ZCCHC7: variants seen among roughly 807,000 people sequenced by gnomAD.
The protein encoded by ZCCHC7 is zinc finger CCHC domain-containing protein 7.
ZCCHC7 carries 35 observed loss-of-function variants against 52.0 expected under a neutral mutation model. That is an observed-to-expected ratio of 0.67 (90% CI 0.51 to 0.89). The LOEUF is 0.89. Among genes scored for constraint, ZCCHC7 ranks in the 40% least tolerant of loss-of-function variants. The probability of loss-of-function intolerance (pLI) is 0.00; values close to 1 mark genes in which losing one functional copy is unlikely to be tolerated. For missense variants in ZCCHC7, 574 were observed against 649.1 expected (o/e 0.88, Z 1.26); for synonymous variants, 217 against 221.5 (o/e 0.98, Z 0.18).
At chr9:37,277,153 A>C (rs1030477211) in intron 2 of ZCCHC7, among the ~76,000 whole-genome samples, 5 of 152,234 alleles carry the variant, frequency 3.3e-5, no homozygotes, top group Admixed American at 3.3e-4. Flanking sequence ...AGATTTTGTA[A>C]AAAAGATTTT....
chr9:37,295,588 A>G (rs902294694), intron 2 of ZCCHC7, among the ~76,000 whole-genome samples: 1 of 152,142 alleles, frequency 6.6e-6, no homozygotes, highest in Non-Finnish European at 1.5e-5. Flanking sequence ...TGGATACCCT[A>G]TTTATAGTAT....
At chr9:37,211,500 A>C (rs1453006478) in intron 2 of ZCCHC7, among the ~76,000 whole-genome samples, 2 of 150,888 alleles carry the variant, frequency 1.3e-5, no homozygotes, top group Non-Finnish European at 2.9e-5. Context: ...TTTGATTCAC[A>C]CTAGAGATTT....
intron 1 of ZCCHC7, among the ~76,000 whole-genome samples, chr9:37,123,331 C>G (rs1842407707): frequency 6.6e-6 from 1 of 152,044 alleles, no homozygotes; most frequent in South Asian, 2.1e-4. Flanking sequence ...TTAACGAAAA[C>G]AACCTTAGGC....
At chr9:37,136,946 T>G (rs1307913081) in intron 2 of ZCCHC7, among the ~76,000 whole-genome samples, 2 of 152,174 alleles carry the variant, frequency 1.3e-5, no homozygotes, top group Non-Finnish European at 2.9e-5. Flanking sequence ...TTGAACAACA[T>G]GTCTCTAGTA....
intron 3 of ZCCHC7, 34 bp from the exon 4 acceptor site, chr9:37,304,154 A>G: frequency 6.4e-7 from 1 of 1,573,518 alleles, no homozygotes; most frequent in Non-Finnish European, 8.6e-7. Flanking sequence ...GCAGTGAAAC[A>G]ATTTTTTTAA....
At chr9:37,263,440 G>A (rs781630753) in intron 2 of ZCCHC7, among the ~76,000 whole-genome samples, 1 of 151,612 alleles carries the variant, frequency 6.6e-6, no homozygotes, top group African/African-American at 2.4e-5. Context: ...GCTACTAGTT[G>A]CTATTTCTAT....
chr9:37,296,338 C>T (rs1188450424), intron 2 of ZCCHC7, among the ~76,000 whole-genome samples: 1 of 152,124 alleles, frequency 6.6e-6, no homozygotes, highest in Non-Finnish European at 1.5e-5. Flanking sequence ...AAGTTTTATG[C>T]TATTACTTTT....
chr9:37,343,568 A>G (rs747757034), intron 6 of ZCCHC7, among the ~76,000 whole-genome samples: 5 of 152,210 alleles, frequency 3.3e-5, no homozygotes, highest in Non-Finnish European at 7.3e-5. Context: ...ACTACCTGTT[A>G]TTTCCTCAAA....
intron 2 of ZCCHC7, among the ~76,000 whole-genome samples, chr9:37,291,360 G>C (rs1313702377): frequency 6.7e-6 from 1 of 150,330 alleles, no homozygotes; most frequent in African/African-American, 2.5e-5. Flanking sequence ...ATGTATTTCT[G>C]TGTAAAAAAA....
At chr9:37,238,636 A>G (rs1825753818) in intron 2 of ZCCHC7, among the ~76,000 whole-genome samples, 1 of 151,966 alleles carries the variant, frequency 6.6e-6, no homozygotes, top group South Asian at 2.1e-4. Flanking sequence ...TTTGGTTTCG[A>G]TTTTGCTTAG....
At chr9:37,271,342 G>T (rs1044155354) in intron 2 of ZCCHC7, among the ~76,000 whole-genome samples, 2 of 152,110 alleles carry the variant, frequency 1.3e-5, no homozygotes, top group Non-Finnish European at 2.9e-5. Context: ...ACAAATAATT[G>T]CATGGAAAAG....
chr9:37,130,334 C>CT (rs34589957), intron 2 of ZCCHC7, among the ~76,000 whole-genome samples: 8,884 of 63,152 alleles, frequency 0.14, 2,732 homozygotes, highest in Non-Finnish European at 0.18. Flanking sequence ...GAATTCTCTC[C>CT]TTTTTTTTTT....
chr9:37,294,634 CATTAA>C (rs1828697986), intron 2 of ZCCHC7, among the ~76,000 whole-genome samples: 1 of 152,096 alleles, frequency 6.6e-6, no homozygotes, highest in Non-Finnish European at 1.5e-5. Context: ...AATGATAGTT[CATTAA>C]ATTATTTACT....
intron 2 of ZCCHC7, 72 bp from the exon 3 acceptor site, chr9:37,302,116 T>C: frequency 8.0e-7 from 1 of 1,255,570 alleles, no homozygotes; most frequent in Non-Finnish European, 1.1e-6. Context: ...ACTCATAAAT[T>C]GTGTAATCTA....
intron 2 of ZCCHC7, among the ~76,000 whole-genome samples, chr9:37,281,501 C>T (rs370280638): frequency 1.3e-5 from 2 of 152,142 alleles, no homozygotes; most frequent in East Asian, 3.9e-4. Context: ...GTCTCCACTT[C>T]GTATATAGTG....
intron 2 of ZCCHC7, among the ~76,000 whole-genome samples, chr9:37,265,304 A>T (rs1156291958): frequency 6.6e-6 from 1 of 152,182 alleles, no homozygotes; most frequent in East Asian, 1.9e-4. Context: ...ACCTTACAGG[A>T]TGAAAGGTAT....
intron 2 of ZCCHC7, among the ~76,000 whole-genome samples, chr9:37,141,797 G>A (rs1387578608): frequency 6.6e-6 from 1 of 151,712 alleles, no homozygotes; most frequent in Non-Finnish European, 1.5e-5. Flanking sequence ...TGCCTTTGAC[G>A]GTGGACACAT....
At chr9:37,233,250 T>C (rs1486186084) in intron 2 of ZCCHC7, among the ~76,000 whole-genome samples, 1 of 152,218 alleles carries the variant, frequency 6.6e-6, no homozygotes, top group East Asian at 1.9e-4. Context: ...GTTCTTGTTT[T>C]TATTTGTATT....
chr9:37,170,085 G>C (rs1821649218), intron 2 of ZCCHC7, among the ~76,000 whole-genome samples: 2 of 151,018 alleles, frequency 1.3e-5, no homozygotes, highest in South Asian at 4.2e-4. Context: ...ATTAGAAAAA[G>C]AATAAAAAAG....
Sources: allele counts gnomAD v4.1 joint callset (sites outside exome capture counted in the v4.1 genomes callset), GRCh38; gene constraint gnomAD v4.1.1; transcripts MANE v1.5; gene names NCBI Gene and HGNC (gene_info 2026-07-23, HGNC 2026-07-21).